The following RORA variants were observed in gnomAD, a reference collection of about 807,000 sequenced individuals.
The protein encoded by RORA is nuclear receptor ROR-alpha.
In RORA, 7 loss-of-function variants were observed where a neutral mutation model predicts 69.5. The ratio of observed to expected loss-of-function variants is 0.10; its 90% CI spans 0.06 to 0.19. RORA has a LOEUF of 0.19. Ranked by LOEUF, RORA falls within the 10% of genes least tolerant of loss-of-function variation. The pLI, the probability that RORA is intolerant of heterozygous loss-of-function variation, is 1.00. For missense variants in RORA, 457 were observed against 663.0 expected (o/e 0.69, Z 3.41); for synonymous variants, 261 against 240.8 (o/e 1.08, Z -0.78).
At position 60,490,658 on chromosome 15, in the gene RORA, A is replaced by G. The variant is rs1169022402; in HGVS notation, c.*6797T>C. ...TAAACAAGAGATTGCATTTACATGC[A>G]GATGTCTAAAATTTGTATTTTTTAA... On this transcript the variant is annotated 3_prime_UTR_variant, in exon 11 of 11. Coordinates refer to ENST00000335670, the MANE Select transcript of RORA (RefSeq NM_134261.3). This position sits in a 1 kb window ranked among gnomAD's most constrained non-coding sequence, Gnocchi z 4.1. 3 of 152,198 alleles carry G rather than the reference A, an allele frequency of 2.0e-5. No homozygotes were observed. The highest frequency in any genetic ancestry group is 4.4e-5 in the Non-Finnish European group (3 of 68,008). 9.4% of individuals were successfully genotyped at this position (152,198 alleles called of 1,614,324 possible).
chr15:60,739,606 A>T (rs571849244), intron 1 of RORA, among the ~76,000 whole-genome samples: 1 of 151,998 alleles, frequency 6.6e-6, no homozygotes, highest in African/African-American at 2.4e-5. Context: ...GAAATACTTC[A>T]CCACACTTCC....
chr15:60,546,676 C>A (rs2067079275), intron 2 of RORA, among the ~76,000 whole-genome samples: 1 of 152,162 alleles, frequency 6.6e-6, no homozygotes. Flanking sequence ...AAATTTACAT[C>A]CAATTCCCCA....
At chr15:60,961,147 A>C (rs936711711) in intron 1 of RORA, among the ~76,000 whole-genome samples, 1 of 152,088 alleles carries the variant, frequency 6.6e-6, no homozygotes, top group East Asian at 1.9e-4. Context: ...TGGCCGTTCC[A>C]TTTGCTACAC....
intron 1 of RORA, among the ~76,000 whole-genome samples, chr15:60,997,894 C>G (rs1894610169): frequency 6.6e-6 from 1 of 152,168 alleles, no homozygotes; most frequent in Admixed American, 6.5e-5. Flanking sequence ...CTCAAGGAAA[C>G]CATTTATTAG....
At chr15:60,517,853 T>A (rs560979516) in intron 3 of RORA, among the ~76,000 whole-genome samples, 2 of 152,332 alleles carry the variant, frequency 1.3e-5, no homozygotes, top group Admixed American at 1.3e-4. Flanking sequence ...ATGAGGAATG[T>A]CTGAATGATC....
At chr15:60,910,704 C>T (rs1418425652) in intron 1 of RORA, among the ~76,000 whole-genome samples, 2 of 152,194 alleles carry the variant, frequency 1.3e-5, no homozygotes, top group African/African-American at 4.8e-5. Flanking sequence ...ATCTCATTTT[C>T]TCCATGGAAT....
At chr15:60,506,030 A>G (rs1450695806) in intron 5 of RORA, among the ~76,000 whole-genome samples, 3 of 152,216 alleles carry the variant, frequency 2.0e-5, no homozygotes, top group Non-Finnish European at 4.4e-5. Context: ...CTTATTCTTG[A>G]AAAACTAGAA....
intron 1 of RORA, among the ~76,000 whole-genome samples, chr15:60,939,741 T>C (rs1417709107): frequency 6.6e-6 from 1 of 152,074 alleles, no homozygotes; most frequent in Admixed American, 6.6e-5. Context: ...TCTTCCCGGG[T>C]TGTTCCAAGT....
At chr15:60,515,664 T>A (rs2065842068) in intron 3 of RORA, among the ~76,000 whole-genome samples, 1 of 151,250 alleles carries the variant, frequency 6.6e-6, no homozygotes, top group Non-Finnish European at 1.5e-5. Flanking sequence ...GTGAAAAACA[T>A]GTTCTAACTT....
chr15:61,181,822 T>C (rs2079689355), intron 1 of RORA, among the ~76,000 whole-genome samples: 1 of 150,676 alleles, frequency 6.6e-6, no homozygotes, highest in African/African-American at 2.4e-5. Context: ...AAGAGAGAAA[T>C]ACCAAACACC....
intron 1 of RORA, among the ~76,000 whole-genome samples, chr15:60,718,530 G>T (rs191080742): frequency 7.1e-4 from 108 of 152,346 alleles, no homozygotes; most frequent in Non-Finnish European, 1.3e-3. Flanking sequence ...GTATCCGTCT[G>T]TGGTTTAATC....
intron 1 of RORA, among the ~76,000 whole-genome samples, chr15:61,004,759 G>A (rs770681601): frequency 8.5e-5 from 13 of 152,100 alleles, no homozygotes; most frequent in Non-Finnish European, 1.6e-4. Flanking sequence ...ACCTGCAAAC[G>A]TTGCCACGGT....
chr15:60,743,228 T>C (rs1595677574), intron 1 of RORA, among the ~76,000 whole-genome samples: 1 of 152,178 alleles, frequency 6.6e-6, no homozygotes, highest in East Asian at 1.9e-4. Flanking sequence ...TTGACCAGGC[T>C]GGTCTTGAAC....
intron 1 of RORA, among the ~76,000 whole-genome samples, chr15:60,731,683 T>G (rs538012610): frequency 7.9e-4 from 121 of 152,338 alleles, no homozygotes; most frequent in Admixed American, 2.9e-3. Flanking sequence ...CCACTCCTTG[T>G]TTACAGCAGA....
intron 1 of RORA, among the ~76,000 whole-genome samples, chr15:60,780,181 G>T (rs1024929438): frequency 6.6e-6 from 1 of 152,172 alleles, no homozygotes; most frequent in African/African-American, 2.4e-5. Context: ...GAGTGGAAAA[G>T]TTTGGCCTAG....
intron 1 of RORA, among the ~76,000 whole-genome samples, chr15:60,808,071 A>G (rs183246431): frequency 7.2e-4 from 110 of 152,352 alleles, no homozygotes; most frequent in African/African-American, 2.5e-3. Flanking sequence ...AAAGATAAAT[A>G]GACGGGACTT....
At chr15:60,859,010 A>T (rs1219710433) in intron 1 of RORA, among the ~76,000 whole-genome samples, 1 of 148,876 alleles carries the variant, frequency 6.7e-6, no homozygotes, top group Non-Finnish European at 1.5e-5. Context: ...GGGGCTTGGG[A>T]ATGAATTGGG....
intron 2 of RORA, among the ~76,000 whole-genome samples, chr15:60,664,423 TAA>T (rs2070351585): frequency 6.6e-6 from 1 of 152,150 alleles, no homozygotes; most frequent in Admixed American, 6.5e-5. Context: ...ACTGTGCTAT[TAA>T]AGACTCCCAT....
intron 1 of RORA, among the ~76,000 whole-genome samples, chr15:61,198,871 T>C (rs1029448624): frequency 6.6e-6 from 1 of 152,072 alleles, no homozygotes; most frequent in Non-Finnish European, 1.5e-5. Context: ...CCTTAACTCC[T>C]CCTTCTTTCA....
Sources: gnomAD v4.1 joint callset for allele counts (sites outside exome capture counted in the v4.1 genomes callset) on GRCh38, gnomAD v4.1.1 for gene constraint, Gnocchi (gnomAD v3.1) non-coding constraint, MANE v1.5 for transcripts, NCBI Gene and HGNC (gene_info 2026-07-23, HGNC 2026-07-21) for gene names.